Variants in MFAP3 observed in about 807,000 individuals in gnomAD.
MFAP3 encodes the protein microfibril associated protein 3, also known as microfibril-associated glycoprotein 3.
Under a neutral mutation model 20.5 loss-of-function variants are expected in MFAP3, and 8 were observed. That is an observed-to-expected ratio of 0.39 (90% CI 0.23 to 0.70). The LOEUF is 0.70. Among genes scored for constraint, MFAP3 ranks in the 30% least tolerant of loss-of-function variants. MFAP3 has a pLI of 0.44. For synonymous variants in MFAP3, 140 were observed against 154.0 expected (o/e 0.91, Z 0.67); for missense variants, 398 against 444.6 (o/e 0.90, Z 0.94).
At chr5:154,043,813 C>T (rs1177068869) in intron 1 of MFAP3, among the ~76,000 whole-genome samples, 1 of 151,714 alleles carries the variant, frequency 6.6e-6, no homozygotes, top group South Asian at 2.1e-4. Context: ...GCCTTAATGA[C>T]CTCAGCCCAC....
At chr5:154,044,755 A>C (rs1773037736) in intron 1 of MFAP3, among the ~76,000 whole-genome samples, 1 of 152,192 alleles carries the variant, frequency 6.6e-6, no homozygotes, top group Non-Finnish European at 1.5e-5. Flanking sequence ...CTGTGTAAGG[A>C]AGAGACTAGA....
chr5:154,050,151 G>GC, intron 2 of MFAP3, 134 bp downstream of exon 2: 1 of 813,864 alleles, frequency 1.2e-6, no homozygotes, highest in Non-Finnish European at 1.8e-6. Flanking sequence ...AAGGTCTGGA[G>GC]TGTTGTACCT....
chr5:154,053,174 A>G lies in MFAP3; in HGVS notation c.550A>G (p.Ile184Val), dbSNP rs746200626. 5.0e-6 allele frequency: 8 copies of G among 1,613,958 alleles called. No individual in the cohort carries two copies. The Admixed American group carries it at 5.0e-5, about 10-fold the overall frequency. Residue 184 changes from isoleucine to valine, a missense_variant, in exon 3 of 3, where the codon ATC becomes GTC. Transcript: ENST00000522782. ...CCATCTTCGCAAGACTGAGAAGGCT[A>G]TCAATGAGTTCTTTAGAACTGAAGG... ...SSHLRKTEKA[I>V]NEFFRTEGAE... is the part of the protein sequence containing the mutation.
Position 154,054,306 on chromosome 5 carries a change from G to A in MFAP3, c.*593G>A, listed in dbSNP as rs766103786. ...TTTTTCAGATGTTTTGCCATGTGGA[G>A]CATATAATGATATGTGCAAGATTGA... On this transcript the variant is annotated 3_prime_UTR_variant, in exon 3 of 3. Coordinates refer to ENST00000522782, the MANE Select transcript of MFAP3 (RefSeq NM_005927.5). The A allele has an allele frequency of 1.2e-5, 2 of 167,656 alleles. No homozygotes were observed. Among genetic ancestry groups the A allele is most frequent in the South Asian group, 2.1e-4 (1 of 4,856 alleles). The allele number at this position is 167,656 out of a possible 1,614,324, so 10.4% of individuals were successfully genotyped here. A position where few individuals can be genotyped will look rare whatever the true frequency, so the allele number is the denominator to read the frequency against.
intron 1 of MFAP3, among the ~76,000 whole-genome samples, chr5:154,044,818 G>C (rs1473080849): frequency 6.6e-6 from 1 of 152,018 alleles, no homozygotes; most frequent in Non-Finnish European, 1.5e-5. Context: ...ATAACTTTTT[G>C]TGAACTTAAT....
rs1466025907 is a variant in MFAP3, at chr5:154,049,799, A to G, written c.77A>G (p.Asp26Gly). 2 of 1,613,696 alleles carry G rather than the reference A, an allele frequency of 1.2e-6. No individual in the cohort carries two copies. ...VPAAFVLEDV[D>G]FDQMVSLEAN... ...GCTGCTTTTGTTTTGGAAGATGTGG[A>G]CTTCGACCAAATGGTTTCACTGGAA... is the stretch of plus-strand genomic sequence containing the variant. The change falls in exon 2 of 3, where the codon GAC becomes GGC. Residue 26 changes from aspartate (D) to glycine (G), a missense_variant. Coordinates refer to ENST00000522782, the MANE Select transcript of MFAP3 (RefSeq NM_005927.5).
intron 1 of MFAP3, among the ~76,000 whole-genome samples, chr5:154,039,604 T>C (rs527347443): frequency 3.3e-5 from 5 of 152,116 alleles, no homozygotes; most frequent in East Asian, 1.9e-4. Flanking sequence ...TGGAAAACCA[T>C]TGAAGGTTTC....
At position 154,054,779 on chromosome 5, in the gene MFAP3, C is replaced by G. The variant is rs758329927; in HGVS notation, c.*1066C>G. The G allele has an allele frequency of 3.6e-5, 6 of 167,020 alleles. No individual in the cohort carries two copies. The highest frequency in any genetic ancestry group is 6.5e-5 in the Admixed American group (1 of 15,280). 10.3% of individuals were successfully genotyped at this position (167,020 alleles called of 1,614,324 possible). On this transcript the variant is annotated 3_prime_UTR_variant, in exon 3 of 3. Transcript: ENST00000522782. ...TAGGTATGGTGCTATAGGTTGCATG[C>G]GTCTTTATCTTGTTTGTTTGGTTAA... is the stretch of plus-strand genomic sequence containing the variant.
intron 1 of MFAP3, among the ~76,000 whole-genome samples, chr5:154,045,831 G>T (rs1299795255): frequency 1.3e-5 from 2 of 152,162 alleles, no homozygotes; most frequent in African/African-American, 4.8e-5. Context: ...CAATTTTGCT[G>T]ATCTAGAGTA....
chr5:154,052,401 TTTC>T (rs1260158564), intron 2 of MFAP3, among the ~76,000 whole-genome samples: 2 of 151,916 alleles, frequency 1.3e-5, no homozygotes, highest in Non-Finnish European at 2.9e-5. Context: ...TTTAAAATAA[TTTC>T]TTCTTGTTAT....
intron 1 of MFAP3, among the ~76,000 whole-genome samples, chr5:154,041,879 A>G (rs2113554206): frequency 6.6e-6 from 1 of 152,372 alleles, no homozygotes; most frequent in East Asian, 1.9e-4. Flanking sequence ...AATAGCATAT[A>G]TTTATAATTT....
chr5:154,040,823 C>G (rs1772925843), intron 1 of MFAP3, among the ~76,000 whole-genome samples: 1 of 152,174 alleles, frequency 6.6e-6, no homozygotes, highest in Non-Finnish European at 1.5e-5. Context: ...CTAGAGTGTT[C>G]TGCCTACTAA....
chr5:154,052,787 A>T, intron 2 of MFAP3, 133 bp from the exon 3 acceptor site: 1 of 768,388 alleles, frequency 1.3e-6, no homozygotes, highest in Non-Finnish European at 2.1e-6. Context: ...TACATGATTT[A>T]AACAAATGGT....
chr5:154,039,796 G>A (rs1772870003), intron 1 of MFAP3, among the ~76,000 whole-genome samples: 1 of 152,286 alleles, frequency 6.6e-6, no homozygotes, highest in Non-Finnish European at 1.5e-5. Flanking sequence ...ATCCCAGAGA[G>A]GTGAAGGGAC....
chr5:154,041,393 C>G (rs559474060), intron 1 of MFAP3, among the ~76,000 whole-genome samples: 1 of 152,190 alleles, frequency 6.6e-6, no homozygotes, highest in African/African-American at 2.4e-5. Flanking sequence ...AGCAAAGAAA[C>G]GAATGATAAT....
At chr5:154,050,817 T>A (rs1230258229) in intron 2 of MFAP3, among the ~76,000 whole-genome samples, 1 of 151,142 alleles carries the variant, frequency 6.6e-6, no homozygotes, top group African/African-American at 2.5e-5. Flanking sequence ...TGTTCTGTTA[T>A]AAAGATCTTT....
Position 154,053,387 on chromosome 5 carries a change from A to G in MFAP3, c.763A>G (p.Met255Val), listed in dbSNP as rs1347604931. Residue 255 changes from methionine to valine, a missense_variant, in exon 3 of 3, where the codon ATG becomes GTG. Met to Val is a conservative substitution (Grantham distance 21). Coordinates refer to ENST00000522782, the MANE Select transcript of MFAP3 (RefSeq NM_005927.5). ...ILNCRAFVEE[M>V]FEAVRVDDPD... The stretch of plus-strand genomic sequence containing the variant: ...AAACTGTCGAGCCTTTGTTGAGGAG[A>G]TGTTTGAGGCTGTGCGAGTGGACGA... 8 of 1,613,734 alleles carry G rather than the reference A, an allele frequency of 5.0e-6. No individual in the cohort carries two copies. The highest frequency in any genetic ancestry group is 1.1e-5 in the South Asian group (1 of 91,068).
chr5:154,057,339 AT>A lies in MFAP3; in HGVS notation c.*3628del, dbSNP rs1773355789. Among the ~76,000 whole-genome samples the A allele has an allele frequency of 6.6e-6, 1 of 152,236 alleles. No homozygotes were observed. The highest frequency in any genetic ancestry group is 2.4e-5 in the African/African-American group (1 of 41,452). On this transcript the variant is annotated 3_prime_UTR_variant, in exon 3 of 3. Transcript: ENST00000522782. The stretch of plus-strand genomic sequence containing the variant: ...TTCATATAATTCAGAGGATGTTTAA[AT>A]TGTCAGCATTTTAATAAATACTTGC...
rs1267239597 is a variant in MFAP3, at chr5:154,049,693, A to G, written c.-30A>G. Reference sequence around the variant, plus strand: ...AGTGTAGAAGTTTTTGAGTTCTCCAAATCTAAACAAGATTTTGTCCCATTT... The same window carrying G: ...AGTGTAGAAGTTTTTGAGTTCTCCAGATCTAAACAAGATTTTGTCCCATTT... On this transcript the variant is annotated 5_prime_UTR_variant, in exon 2 of 3. Transcript: ENST00000522782. The G allele has an allele frequency of 1.9e-6, 3 of 1,594,362 alleles. No homozygotes were observed. The East Asian group carries it at 6.7e-5, about 36-fold the overall frequency.
Sources: gnomAD v4.1 joint callset for allele counts (sites outside exome capture counted in the v4.1 genomes callset) on GRCh38, gnomAD v4.1.1 for gene constraint, MANE v1.5 for transcripts, NCBI Gene and HGNC (gene_info 2026-07-23, HGNC 2026-07-21) for gene names.